AATK: variants seen among roughly 807,000 people sequenced by gnomAD.
AATK encodes lemur tail kinase 1, also known as serine/threonine-protein kinase LMTK1.
In AATK, 91 loss-of-function variants were observed where a neutral mutation model predicts 114.3. The ratio of observed to expected loss-of-function variants is 0.80; its 90% CI spans 0.67 to 0.95. The LOEUF is 0.95. Ranked by LOEUF, AATK falls within the 40% of genes least tolerant of loss-of-function variation. The pLI, the probability that AATK is intolerant of heterozygous loss-of-function variation, is 0.00. For synonymous variants in AATK, 1,075 were observed against 916.5 expected (o/e 1.17, Z -3.12); for missense variants, 2,176 against 1,965.2 (o/e 1.11, Z -2.03).
intron 1 of AATK, among the ~76,000 whole-genome samples, chr17:81,143,581 G>A (rs1197071242): frequency 7.7e-6 from 1 of 130,358 alleles, no homozygotes; most frequent in Non-Finnish European, 1.7e-5. Context: ...ATGCAGCCCC[G>A]CCTCCCGTGG....
chr17:81,119,185 C>CCAGGCT (rs2060636776), intron 13 of AATK, among the ~76,000 whole-genome samples, 195 bp downstream of exon 13: 41 of 132,590 alleles, frequency 3.1e-4, no homozygotes, highest in African/African-American at 9.3e-4. Flanking sequence ...AGGTGAGGGT[C>CCAGGCT]AGGTGAGGGC....
intron 1 of AATK, chr17:81,135,794 C>T (rs1332508334): frequency 6.6e-6 from 1 of 152,358 alleles, no homozygotes; most frequent in African/African-American, 2.4e-5. Flanking sequence ...GAAGAGGGAA[C>T]CAGGACGGCT....
intron 1 of AATK, among the ~76,000 whole-genome samples, chr17:81,152,927 C>G (rs899926279): frequency 2.0e-5 from 3 of 150,826 alleles, no homozygotes; most frequent in African/African-American, 7.3e-5. Context: ...ACTGAAACCT[C>G]TGCCTCCCAG....
At chr17:81,158,370 G>A (rs929457360) in intron 1 of AATK, among the ~76,000 whole-genome samples, 1 of 152,248 alleles carries the variant, frequency 6.6e-6, no homozygotes, top group Non-Finnish European at 1.5e-5. Context: ...AGGGAGAGAA[G>A]GTGCCTGAGC....
chr17:81,120,758 G>A lies in AATK; in HGVS notation c.3178C>T (p.Leu1060=). Residue 1060 remains leucine, a synonymous_variant, in exon 11 of 14, where the codon CTG becomes TTG. Transcript: ENST00000326724. ...SGPGEVLPPL[L]QLEGSSPEPS... is the part of the protein sequence containing the mutation. Reference sequence around the variant, plus strand: ...TCTGGGGAGGACCCTTCAAGCTGCAGCAGTGGGGGCAGCACCTCCCCGGGG... The same window carrying A: ...TCTGGGGAGGACCCTTCAAGCTGCAACAGTGGGGGCAGCACCTCCCCGGGG... 1 of 1,574,638 alleles carries A rather than the reference G, an allele frequency of 6.4e-7. No homozygotes were observed. The highest frequency in any genetic ancestry group is 8.6e-7 in the Non-Finnish European group (1 of 1,160,656).
At chr17:81,119,278 G>A (rs962258186) in intron 13 of AATK, 102 bp downstream of exon 13, 12 of 1,272,204 alleles carry the variant, frequency 9.4e-6, no homozygotes, top group African/African-American at 4.8e-5. Flanking sequence ...GAGCGGAGCC[G>A]GGGCTGGCCC....
chr17:81,118,536 T>A, intron 13 of AATK, 94 bp from the exon 14 acceptor site: 1 of 1,347,294 alleles, frequency 7.4e-7, no homozygotes. Context: ...CTGGCCCACA[T>A]ACAGGCCGGG....
At chr17:81,130,501 C>A (rs2060912940) in intron 3 of AATK, among the ~76,000 whole-genome samples, 1 of 152,198 alleles carries the variant, frequency 6.6e-6, no homozygotes, top group South Asian at 2.1e-4. Context: ...CAGCCCCACC[C>A]CTCGGCCCCT....
chr17:81,120,179 A>C (rs769906823), intron 11 of AATK, 22 bp downstream of exon 11: 10 of 1,548,236 alleles, frequency 6.5e-6, no homozygotes, highest in Middle Eastern at 3.5e-4. Flanking sequence ...CCCCGGGCAG[A>C]CCCCGGGTGG....
chr17:81,122,479 C>T lies in AATK; in HGVS notation c.1457G>A (p.Gly486Asp), dbSNP rs1598906992. 5 of 1,455,228 alleles carry T rather than the reference C, an allele frequency of 3.4e-6. No individual in the cohort carries two copies. Among genetic ancestry groups the T allele is most frequent in the African/African-American group, 3.0e-5 (2 of 67,148 alleles). 90.1% of individuals were successfully genotyped at this position (1,455,228 alleles called of 1,614,324 possible). Reference sequence around the variant, plus strand: ...CAGCGTGGCCGGGAAGGCCTCCGCGCCGCGGCCCGCCTCCCACTTGTACTC... The same window carrying T: ...CAGCGTGGCCGGGAAGGCCTCCGCGTCGCGGCCCGCCTCCCACTTGTACTC... ...NFEYKWEAGR[G>D]AEAFPATLSP... Residue 486 changes from glycine to aspartate, a missense_variant, in exon 11 of 14, where the codon GGC (glycine) becomes GAC (aspartate). Physicochemically the swap from Gly to Asp is moderately conservative, Grantham distance 94 (BLOSUM62 -1). Around this residue, in one of 4 missense-constraint regions of AATK, gnomAD observed 1,701 missense variants for 1,394.7 expected, o/e 1.22. Transcript: ENST00000326724.
At chr17:81,139,867 G>A (rs996158273) in intron 1 of AATK, among the ~76,000 whole-genome samples, 1 of 152,176 alleles carries the variant, frequency 6.6e-6, no homozygotes, top group Non-Finnish European at 1.5e-5. Context: ...CCAGGCTGTG[G>A]CTTCTTAGGC....
chr17:81,121,485 G>A lies in AATK; in HGVS notation c.2451C>T (p.Pro817=), dbSNP rs745931939. ...AGTCAGGCAGGGCATCAGGGGCGTC[G>A]GGGGCACTGGCCTCCTCCGAGGGAA... The part of the protein sequence containing the change: ...APLPSEEASA[P]DAPDALPDSP... Residue 817 remains proline (P), a synonymous_variant, in exon 11 of 14, where the codon CCC becomes CCT. Transcript: ENST00000326724. 6.4e-6 allele frequency: 10 copies of A among 1,566,332 alleles called. No individual in the cohort carries two copies. The highest frequency in any genetic ancestry group is 5.2e-6 in the Non-Finnish European group (6 of 1,154,664).
In AATK at chr17:81,126,847, A is replaced by G. The variant is rs1373627404; in HGVS notation, c.622-287T>C. On this transcript the variant is annotated intron_variant, in intron 6 of 13. Transcript: ENST00000326724. The surrounding 1 kb of genome is among the most constrained non-coding windows in gnomAD (Gnocchi z 5.1). Reference sequence around the variant, plus strand: ...GGTAGAGAGAGAAACACAGGGCCCAAGTGGATCTGCTTGATGGAGTCTGGG... The same window carrying G: ...GGTAGAGAGAGAAACACAGGGCCCAGGTGGATCTGCTTGATGGAGTCTGGG... 2.4e-6 allele frequency: 3 copies of G among 1,251,260 alleles called. No individual in the cohort carries two copies. Among genetic ancestry groups the G allele is most frequent in the Non-Finnish European group, 2.0e-6 (2 of 993,086 alleles). The allele number at this position is 1,251,260 out of a possible 1,614,324, so 77.5% of individuals were successfully genotyped here.
At chr17:81,141,549 C>T (rs1233772106) in intron 1 of AATK, among the ~76,000 whole-genome samples, 1 of 151,994 alleles carries the variant, frequency 6.6e-6, no homozygotes, top group East Asian at 1.9e-4. Context: ...GAAACTCATG[C>T]AACAGCCCTT....
intron 1 of AATK, among the ~76,000 whole-genome samples, chr17:81,156,486 C>T (rs906337686): frequency 1.3e-5 from 2 of 152,222 alleles, no homozygotes; most frequent in African/African-American, 2.4e-5. Flanking sequence ...CAAGCTCCGC[C>T]TCCCGGGTTC....
At chr17:81,139,023 C>T (rs973250745) in intron 1 of AATK, among the ~76,000 whole-genome samples, 3 of 152,168 alleles carry the variant, frequency 2.0e-5, no homozygotes, top group East Asian at 3.9e-4. Context: ...CACACCCACA[C>T]GTGTGCACAC....
chr17:81,164,763 C>G (rs2174650), intron 1 of AATK, among the ~76,000 whole-genome samples: 97,382 of 152,050 alleles, frequency 0.64, 33,077 homozygotes, highest in Non-Finnish European at 0.74. Context: ...CAGCTGTTGC[C>G]GTGGCTGTTG....
At chr17:81,142,782 C>T (rs773122452) in intron 1 of AATK, among the ~76,000 whole-genome samples, 252 of 152,166 alleles carry the variant, frequency 1.7e-3, no homozygotes, top group Non-Finnish European at 2.9e-3. Flanking sequence ...CCCACCCCCG[C>T]CCCAGCCAGC....
At chr17:81,119,168 GAGGGTCAGGT>G (rs2060634230) in intron 13 of AATK, among the ~76,000 whole-genome samples, 1 of 130,910 alleles carries the variant, frequency 7.6e-6, no homozygotes, top group Non-Finnish European at 1.7e-5. Context: ...AGGGTCAGGT[GAGGGTCAGGT>G]GAGGGTCAGG....
Sources: gnomAD v4.1 joint callset for allele counts (sites outside exome capture counted in the v4.1 genomes callset) on GRCh38, gnomAD v4.1.1 for gene constraint, gnomAD v4.1.1 regional missense constraint, Gnocchi (gnomAD v3.1) non-coding constraint, MANE v1.5 for transcripts, NCBI Gene and HGNC (gene_info 2026-07-23, HGNC 2026-07-21) for gene names.